Variants in PKIB observed in about 807,000 individuals in gnomAD.
The protein encoded by PKIB is cAMP-dependent protein kinase inhibitor beta.
In PKIB, 2 loss-of-function variants were observed where a neutral mutation model predicts 4.5. The observed-to-expected ratio is 0.44, with a 90% CI of 0.18 to 1.39. The LOEUF is 1.39. Among genes scored for constraint, PKIB ranks in the 40% most tolerant of loss-of-function variants. The probability of loss-of-function intolerance (pLI) is 0.27; values close to 1 mark genes in which losing one functional copy is unlikely to be tolerated. For missense variants in PKIB, 94 were observed against 92.6 expected (o/e 1.02, Z -0.06); for synonymous variants, 38 against 36.0 (o/e 1.06, Z -0.20).
intron 2 of PKIB, among the ~76,000 whole-genome samples, chr6:122,674,029 CA>C (rs1365465413): frequency 6.6e-6 from 1 of 152,080 alleles, no homozygotes; most frequent in Non-Finnish European, 1.5e-5. Flanking sequence ...AACTCAGCCA[CA>C]GGGGTGACAG....
At chr6:122,632,106 A>G (rs1582757368) in intron 1 of PKIB, among the ~76,000 whole-genome samples, 1 of 152,166 alleles carries the variant, frequency 6.6e-6, no homozygotes, top group African/African-American at 2.4e-5. Context: ...GGCTGGGGAG[A>G]GTTGAACTAG....
At chr6:122,624,160 A>C (rs904991873) in intron 1 of PKIB, among the ~76,000 whole-genome samples, 1 of 152,222 alleles carries the variant, frequency 6.6e-6, no homozygotes, top group African/African-American at 2.4e-5. Flanking sequence ...AATATATTGT[A>C]AGTACCAAAT....
intron 4 of PKIB, among the ~76,000 whole-genome samples, chr6:122,720,044 GA>G (rs1267367808): frequency 6.6e-6 from 1 of 152,096 alleles, no homozygotes; most frequent in East Asian, 1.9e-4. Flanking sequence ...ATTTTAAAAT[GA>G]ATGGTTTCCA....
intron 3 of PKIB, 79 bp downstream of exon 3, chr6:122,675,223 G>C (rs1369062411): frequency 6.6e-6 from 1 of 152,520 alleles, no homozygotes; most frequent in East Asian, 1.9e-4. Context: ...TAAAACACTT[G>C]ACAGGAAATG....
At chr6:122,703,598 G>A (rs1359557500) in intron 3 of PKIB, among the ~76,000 whole-genome samples, 1 of 151,768 alleles carries the variant, frequency 6.6e-6, no homozygotes, top group Admixed American at 6.6e-5. Flanking sequence ...ATGATAATTG[G>A]AAATAAAAAC....
At chr6:122,554,694 A>G (rs1353197938) in intron 2 of PKIB, among the ~76,000 whole-genome samples, 1 of 152,210 alleles carries the variant, frequency 6.6e-6, no homozygotes. Context: ...TATAACCTGA[A>G]CAGAGTAAAC....
At chr6:122,561,994 G>GTTTTTTTTGT (rs1773031643) in intron 2 of PKIB, among the ~76,000 whole-genome samples, 1 of 40,904 alleles carries the variant, frequency 2.4e-5, no homozygotes, top group Non-Finnish European at 4.6e-5. Flanking sequence ...GTTTGTTTTT[G>GTTTTTTTTGT]TTTTTTTTTG....
intron 2 of PKIB, among the ~76,000 whole-genome samples, chr6:122,671,310 T>C (rs1777455638): frequency 6.6e-6 from 1 of 151,762 alleles, no homozygotes; most frequent in Admixed American, 6.6e-5. Context: ...AAAAAATACT[T>C]ATTGAAGTAT....
chr6:122,637,895 A>G (rs185096878), intron 2 of PKIB, among the ~76,000 whole-genome samples: 83 of 152,324 alleles, frequency 5.4e-4, no homozygotes, highest in African/African-American at 2.0e-3. Flanking sequence ...AAGAGAGTAG[A>G]GGATTTCAAC....
At chr6:122,631,261 C>T (rs2815582) in intron 1 of PKIB, among the ~76,000 whole-genome samples, 150,289 of 152,336 alleles carry the variant, frequency 0.99, 74,159 homozygotes, top group Middle Eastern at 1. Flanking sequence ...ATATGGCAGT[C>T]GAGTTATTTT....
intron 3 of PKIB, among the ~76,000 whole-genome samples, chr6:122,692,663 G>A (rs1240156520): frequency 2.6e-5 from 4 of 152,106 alleles, no homozygotes; most frequent in Admixed American, 6.5e-5. Flanking sequence ...TCACAAGGCT[G>A]GTTGGTGCTC....
At chr6:122,612,326 A>C (rs889648308) in intron 1 of PKIB, among the ~76,000 whole-genome samples, 2 of 152,108 alleles carry the variant, frequency 1.3e-5, no homozygotes, top group African/African-American at 2.4e-5. Flanking sequence ...AAATTTGTTA[A>C]TTTTCTAAAA....
intron 2 of PKIB, among the ~76,000 whole-genome samples, chr6:122,499,403 A>G (rs1156617952): frequency 6.6e-6 from 1 of 152,204 alleles, no homozygotes; most frequent in Non-Finnish European, 1.5e-5. Flanking sequence ...GGTTGGTTGA[A>G]TGTATGCAAA....
rs200368480 is a variant in PKIB at position 122,587,514 on chromosome 6, T to C, written c.-161+1507T>C. Among the ~76,000 whole-genome samples, 310 of 152,342 alleles carry C rather than the reference T, an allele frequency of 2.0e-3. 7 individuals carry two copies. The East Asian group carries it at 0.041, about 20-fold the overall frequency. On this transcript the variant is annotated intron_variant, in intron 3 of 6. Transcript: ENST00000392491. ...GTGTGCATGTGTCTTTATAGCAGCA[T>C]GATTTATAATCCTTTGGGTATATAC...
chr6:122,583,288 A>G (rs575976843), intron 2 of PKIB, among the ~76,000 whole-genome samples: 1 of 152,198 alleles, frequency 6.6e-6, no homozygotes, highest in Non-Finnish European at 1.5e-5. Context: ...TACATTATGC[A>G]GGCAGCAAAC....
chr6:122,578,266 A>G (rs1035991846), intron 2 of PKIB, among the ~76,000 whole-genome samples: 3 of 152,204 alleles, frequency 2.0e-5, no homozygotes, highest in Non-Finnish European at 2.9e-5. Flanking sequence ...AGCATCACGT[A>G]TGATGCTTCT....
chr6:122,479,677 G>C (rs891926380), intron 2 of PKIB: 1 of 152,128 alleles, frequency 6.6e-6, no homozygotes, highest in Non-Finnish European at 1.5e-5. Flanking sequence ...TTTATTTAAA[G>C]ATTTTCCTTT....
chr6:122,607,305 C>CT (rs147108557), upstream of PKIB, among the ~76,000 whole-genome samples: 3 of 151,864 alleles, frequency 2.0e-5, no homozygotes, highest in East Asian at 5.8e-4. Context: ...AAAACCCCGT[C>CT]TCTACAAAAA....
At chr6:122,689,117 T>C (rs1778222001) in intron 3 of PKIB, among the ~76,000 whole-genome samples, 1 of 152,102 alleles carries the variant, frequency 6.6e-6, no homozygotes. Context: ...TTGTAACATC[T>C]CCTTTTTCAT....
Sources: gnomAD v4.1 joint callset for allele counts (sites outside exome capture counted in the v4.1 genomes callset) on GRCh38, gnomAD v4.1.1 for gene constraint, MANE v1.5 for transcripts, NCBI Gene and HGNC (gene_info 2026-07-23, HGNC 2026-07-21) for gene names.